PLCL1: variants seen among roughly 807,000 people sequenced by gnomAD.
PLCL1 encodes inactive phospholipase C-like protein 1.
Under a neutral mutation model 84.4 loss-of-function variants are expected in PLCL1, and 41 were observed. The observed-to-expected ratio is 0.49, with a 90% CI of 0.38 to 0.63. The LOEUF (loss-of-function observed/expected upper bound fraction) is 0.63. Ranked by LOEUF, PLCL1 falls within the 30% of genes least tolerant of loss-of-function variation. The pLI is 0.00. For synonymous variants in PLCL1, 490 were observed against 488.3 expected, an observed-to-expected ratio of 1.00 and a Z score of -0.05; for missense variants, 1,206 against 1,367.8, an observed-to-expected ratio of 0.88 and a Z score of 1.87.
At chr2:197,893,643 T>C (rs566158173) in intron 1 of PLCL1, among the ~76,000 whole-genome samples, 28 of 152,312 alleles carry the variant, frequency 1.8e-4, no homozygotes, top group African/African-American at 6.5e-4. Flanking sequence ...AGTGAATGCC[T>C]GGTCTGGAGT....
At chr2:198,027,109 T>C (rs2105845234) in intron 1 of PLCL1, among the ~76,000 whole-genome samples, 1 of 152,296 alleles carries the variant, frequency 6.6e-6, no homozygotes, top group East Asian at 1.9e-4. Context: ...ATCAACCTAA[T>C]TGTTCATCAG....
At chr2:197,871,576 G>C (rs1327537446) in intron 1 of PLCL1, among the ~76,000 whole-genome samples, 2 of 152,016 alleles carry the variant, frequency 1.3e-5, no homozygotes, top group African/African-American at 4.8e-5. Context: ...CTGAAATCAG[G>C]GTGTCAGCAA....
chr2:198,041,398 G>T lies in PLCL1; in HGVS notation c.241-42360G>T, dbSNP rs116485345. Among the ~76,000 whole-genome samples, 713 of 151,920 alleles carry T rather than the reference G, an allele frequency of 4.7e-3. 4 individuals are homozygous for T. The highest frequency in any genetic ancestry group is 7.6e-3 in the Non-Finnish European group (517 of 67,958). ...CTGTTTTCTAAGTTCCAACCACAGT[G>T]TTTTTTTTGTTTGTTTGTTTTACAC... On this transcript the variant is annotated intron_variant, in intron 1 of 5. Coordinates refer to ENST00000428675, the MANE Select transcript of PLCL1 (RefSeq NM_006226.4).
chr2:198,078,013 T>C (rs1692621824), intron 1 of PLCL1, among the ~76,000 whole-genome samples: 2 of 152,188 alleles, frequency 1.3e-5, no homozygotes, highest in Admixed American at 1.3e-4. Context: ...GATACCTTCC[T>C]AATCTACCTA....
rs148042423 is a variant in PLCL1, at chr2:198,001,677, C to T, written c.241-82081C>T. 4.6e-5 allele frequency among the ~76,000 whole-genome samples: 7 copies of T among 152,170 alleles called. No individual in the cohort carries two copies. In the East Asian group the frequency reaches 1.3e-3, roughly 29 times the overall value. The stretch of plus-strand genomic sequence containing the variant: ...CTCATGGCTCTAGAGCAGGGGTTCC[C>T]AAACCCCGGTACGGTCTGTGGCTTG... On this transcript the variant is annotated intron_variant, in intron 1 of 5. Transcript: ENST00000428675.
intron 1 of PLCL1, among the ~76,000 whole-genome samples, chr2:198,010,004 G>A (rs1296030134): frequency 6.6e-6 from 1 of 151,888 alleles, no homozygotes; most frequent in African/African-American, 2.4e-5. Context: ...TATAGAAAAT[G>A]CAACTGATTT....
chr2:197,958,809 G>A (rs1402500141), intron 1 of PLCL1, among the ~76,000 whole-genome samples: 1 of 151,862 alleles, frequency 6.6e-6, no homozygotes, highest in East Asian at 1.9e-4. Context: ...TCAAGCACAG[G>A]AGCTATGTAA....
chr2:198,117,727 A>G (rs915648521), intron 5 of PLCL1, among the ~76,000 whole-genome samples: 1 of 151,960 alleles, frequency 6.6e-6, no homozygotes, highest in African/African-American at 2.4e-5. Context: ...AGTCTTGTAT[A>G]GGAAAAGTAT....
chr2:198,067,214 C>A (rs1489769882), intron 1 of PLCL1, among the ~76,000 whole-genome samples: 1 of 151,246 alleles, frequency 6.6e-6, no homozygotes, highest in African/African-American at 2.4e-5. Flanking sequence ...CTGCAACCTC[C>A]CCTCCCGGAT....
intron 1 of PLCL1, among the ~76,000 whole-genome samples, chr2:197,860,558 A>T (rs751251138): frequency 6.6e-6 from 1 of 152,040 alleles, no homozygotes; most frequent in Non-Finnish European, 1.5e-5. Context: ...TGACTTTTTA[A>T]TAATAGCCAT....
At chr2:197,995,096 A>G (rs1390242964) in intron 1 of PLCL1, among the ~76,000 whole-genome samples, 1 of 152,176 alleles carries the variant, frequency 6.6e-6, no homozygotes, top group African/African-American at 2.4e-5. Flanking sequence ...ACAGGTACTA[A>G]CTTTTGTTCT....
chr2:197,894,759 A>C (rs1688100685), intron 1 of PLCL1, among the ~76,000 whole-genome samples: 1 of 151,950 alleles, frequency 6.6e-6, no homozygotes, highest in African/African-American at 2.4e-5. Flanking sequence ...GACGATGTAT[A>C]TTCTGTTTCT....
At chr2:197,852,964 A>G (rs934881423) in intron 1 of PLCL1, among the ~76,000 whole-genome samples, 1 of 152,196 alleles carries the variant, frequency 6.6e-6, no homozygotes, top group Non-Finnish European at 1.5e-5. Flanking sequence ...ATCCATCTCC[A>G]GAACTTTTTC....
intron 1 of PLCL1, among the ~76,000 whole-genome samples, chr2:198,078,901 A>G (rs574926838): frequency 8.8e-4 from 134 of 152,250 alleles, no homozygotes; most frequent in African/African-American, 3.0e-3. Context: ...CATAAAAGTT[A>G]CAATTTAACC....
Position 198,107,522 on chromosome 2 carries a change from G to A in PLCL1, c.3105+3586G>A, listed in dbSNP as rs770944038. Among the ~76,000 whole-genome samples, 24 of 152,020 alleles carry A rather than the reference G, an allele frequency of 1.6e-4. No homozygotes were observed. In the South Asian group the frequency reaches 2.5e-3, roughly 16 times the overall value. ...ATTAAATGAGATAATACATACAAAA[G>A]ATGTAAGTCACAGTGCACAAAACTA... is the stretch of plus-strand genomic sequence containing the variant. On this transcript the variant is annotated intron_variant, in intron 5 of 5. Transcript: ENST00000428675.
At chr2:197,871,362 T>C (rs548546065) in intron 1 of PLCL1, among the ~76,000 whole-genome samples, 1 of 152,120 alleles carries the variant, frequency 6.6e-6, no homozygotes, top group Non-Finnish European at 1.5e-5. Flanking sequence ...AGTGTGGCCC[T>C]CCTGAGACCA....
At chr2:197,940,732 A>G (rs1465921248) in intron 1 of PLCL1, among the ~76,000 whole-genome samples, 1 of 152,238 alleles carries the variant, frequency 6.6e-6, no homozygotes, top group African/African-American at 2.4e-5. Context: ...ACAAAAGACC[A>G]TGTCTATTAC....
intron 5 of PLCL1, among the ~76,000 whole-genome samples, chr2:198,110,466 G>A (rs1307510547): frequency 6.6e-6 from 1 of 151,874 alleles, no homozygotes; most frequent in East Asian, 1.9e-4. Flanking sequence ...TACAACAGAG[G>A]AAATTACATG....
In PLCL1 at chr2:198,149,814, AAT is replaced by A. The variant is rs1177367554; in HGVS notation, c.*2855_*2856del. The A allele has an allele frequency of 6.6e-6, 1 of 152,198 alleles. No individual in the cohort carries two copies. The highest frequency in any genetic ancestry group is 1.5e-5 in the Non-Finnish European group (1 of 68,032). The allele number at this position is 152,198 out of a possible 1,614,324, so 9.4% of individuals were successfully genotyped here. ...GTAGCAGGGTGTTTAAAATTTTAACAATATGTTATGGATATCTTTCTGTGTCA... is the reference window on the plus strand; with the variant it reads ...GTAGCAGGGTGTTTAAAATTTTAACAATGTTATGGATATCTTTCTGTGTCA... On this transcript the variant is annotated 3_prime_UTR_variant, in exon 6 of 6. Transcript: ENST00000428675.
Sources: gnomAD v4.1 joint callset for allele counts (sites outside exome capture counted in the v4.1 genomes callset) on GRCh38, gnomAD v4.1.1 for gene constraint, MANE v1.5 for transcripts, NCBI Gene and HGNC (gene_info 2026-07-23, HGNC 2026-07-21) for gene names.